ANKRD11: variants seen among roughly 807,000 people sequenced by gnomAD.
ANKRD11 encodes the protein ankyrin repeat domain 11.
In ANKRD11, 17 loss-of-function variants were observed where a neutral mutation model predicts 195.7. The ratio of observed to expected loss-of-function variants is 0.09; its 90% CI spans 0.06 to 0.13. The LOEUF (loss-of-function observed/expected upper bound fraction) is 0.13, where lower values mean the gene tolerates loss of function less well. Ranked by LOEUF, ANKRD11 falls within the 10% of genes least tolerant of loss-of-function variation. The probability of loss-of-function intolerance (pLI) is 1.00; values close to 1 mark genes in which losing one functional copy is unlikely to be tolerated. For missense variants in ANKRD11, 3,735 were observed against 3,566.1 expected (o/e 1.05, Z -1.21); for synonymous variants, 1,953 against 1,528.1 (o/e 1.28, Z -6.49).
chr16:89,342,165 G>A (rs149142213), intron 2 of ANKRD11, among the ~76,000 whole-genome samples: 458 of 152,332 alleles, frequency 3.0e-3, no homozygotes, highest in Admixed American at 8.3e-3. Context: ...TTGGCGTCTG[G>A]GCCTCAAAGC....
At chr16:89,305,617 A>C (rs959047146) in intron 3 of ANKRD11, among the ~76,000 whole-genome samples, 9 of 151,984 alleles carry the variant, frequency 5.9e-5, no homozygotes. Context: ...TGTGTGGAGA[A>C]AGCAGAGGAG....
intron 7 of ANKRD11, chr16:89,287,842 T>C (rs925127981): frequency 1.2e-5 from 3 of 253,276 alleles, no homozygotes; most frequent in Non-Finnish European, 2.3e-5. Context: ...CTGGGCTTGC[T>C]GCAGAGGAGC....
intron 1 of ANKRD11, among the ~76,000 whole-genome samples, chr16:89,448,920 C>G (rs2043930415): frequency 6.6e-6 from 1 of 152,216 alleles, no homozygotes; most frequent in African/African-American, 2.4e-5. Context: ...GACCTGGCAT[C>G]TGTTCATGTT....
chr16:89,422,502 G>A (rs2042558255), intron 1 of ANKRD11, among the ~76,000 whole-genome samples: 1 of 152,130 alleles, frequency 6.6e-6, no homozygotes, highest in African/African-American at 2.4e-5. Flanking sequence ...CCACTAACAG[G>A]TGCGACTATG....
intron 1 of ANKRD11, among the ~76,000 whole-genome samples, chr16:89,465,836 G>A (rs548203822): frequency 1.6e-3 from 244 of 152,212 alleles, no homozygotes; most frequent in African/African-American, 5.5e-3. Flanking sequence ...TCAGCCTCCC[G>A]AGTAGCTGGG....
chr16:89,400,882 G>A (rs2041653045), intron 2 of ANKRD11, among the ~76,000 whole-genome samples: 2 of 152,124 alleles, frequency 1.3e-5, no homozygotes, highest in Admixed American at 6.6e-5. Flanking sequence ...CACACACCTT[G>A]GACGCCTGTC....
intron 2 of ANKRD11, chr16:89,339,948 C>T (rs1162893908): frequency 2.0e-5 from 3 of 152,226 alleles, no homozygotes; most frequent in African/African-American, 7.2e-5. Context: ...TACCTTTTCC[C>T]TTCAAGTTGT....
chr16:89,421,114 G>A (rs1360756792), intron 1 of ANKRD11, among the ~76,000 whole-genome samples: 1 of 152,004 alleles, frequency 6.6e-6, no homozygotes, highest in Non-Finnish European at 1.5e-5. Flanking sequence ...ATGTCTGGGG[G>A]TGGGGCTGAG....
At chr16:89,380,364 G>A (rs944684217) in intron 2 of ANKRD11, among the ~76,000 whole-genome samples, 3 of 152,006 alleles carry the variant, frequency 2.0e-5, no homozygotes, top group Non-Finnish European at 4.4e-5. Context: ...CACCCACCTC[G>A]GCCTCCCAAA....
At chr16:89,452,281 T>C (rs950338620) in intron 1 of ANKRD11, among the ~76,000 whole-genome samples, 2 of 151,212 alleles carry the variant, frequency 1.3e-5, no homozygotes, top group Non-Finnish European at 3.0e-5. Context: ...AAAAACTCAT[T>C]TGCAATTTAG....
At chr16:89,373,640 C>CT (rs1450348380) in intron 2 of ANKRD11, among the ~76,000 whole-genome samples, 1 of 152,210 alleles carries the variant, frequency 6.6e-6, no homozygotes, top group Non-Finnish European at 1.5e-5. Context: ...CCACGAGCTG[C>CT]TTTACTTCAC....
chr16:89,299,593 C>T, intron 4 of ANKRD11: 1 of 162,832 alleles, frequency 6.1e-6, no homozygotes. Context: ...GGGTCTGTGC[C>T]CTGTGTGGGG....
chr16:89,406,586 T>C (rs749628381), intron 2 of ANKRD11, among the ~76,000 whole-genome samples: 1 of 152,126 alleles, frequency 6.6e-6, no homozygotes, highest in Non-Finnish European at 1.5e-5. Flanking sequence ...CCAGTGCTTA[T>C]GGTCTGGGTG....
intron 3 of ANKRD11, among the ~76,000 whole-genome samples, chr16:89,310,093 A>G (rs888109177): frequency 6.6e-6 from 1 of 152,234 alleles, no homozygotes; most frequent in Non-Finnish European, 1.5e-5. Flanking sequence ...CTGGAGCTCA[A>G]TCTTTCTGGT....
At chr16:89,406,506 G>T (rs902205338) in intron 2 of ANKRD11, among the ~76,000 whole-genome samples, 1 of 152,212 alleles carries the variant, frequency 6.6e-6, no homozygotes, top group Non-Finnish European at 1.5e-5. Context: ...ATGTTCGTTG[G>T]CCATGCCCGG....
At chr16:89,278,166 G>T (rs955003129) in intron 9 of ANKRD11, 1 of 291,248 alleles carries the variant, frequency 3.4e-6, no homozygotes, top group Non-Finnish European at 6.7e-6. Context: ...AACGCCACAC[G>T]CTGGGGCTGG....
chr16:89,374,321 T>C (rs912925447), intron 2 of ANKRD11, among the ~76,000 whole-genome samples: 3 of 151,574 alleles, frequency 2.0e-5, no homozygotes, highest in Admixed American at 6.6e-5. Flanking sequence ...GAGTTATGGC[T>C]CACCATGTGT....
intron 4 of ANKRD11, among the ~76,000 whole-genome samples, chr16:89,293,694 T>C (rs1419349819): frequency 6.6e-5 from 5 of 75,298 alleles, no homozygotes; most frequent in Admixed American, 5.8e-4. Flanking sequence ...GGGGCAGAGT[T>C]GGGGCTGCGG....
At chr16:89,271,236 G>T in intron 11 of ANKRD11, 5 of 335,268 alleles carry the variant, frequency 1.5e-5, no homozygotes, top group Non-Finnish European at 2.8e-5. Context: ...TCCTGGGAGA[G>T]ACTTTTTTTT....
Sources: gnomAD v4.1 joint callset for allele counts (sites outside exome capture counted in the v4.1 genomes callset) on GRCh38, gnomAD v4.1.1 for gene constraint, MANE v1.5 for transcripts, NCBI Gene and HGNC (gene_info 2026-07-23, HGNC 2026-07-21) for gene names.